The following CEP112 variants were observed in gnomAD, a reference collection of about 807,000 sequenced individuals.
The protein encoded by CEP112 is centrosomal protein 112.
In CEP112, 127 loss-of-function variants were observed where a neutral mutation model predicts 153.0. That is an observed-to-expected ratio of 0.83 (90% CI 0.72 to 0.96). CEP112 has a LOEUF of 0.96. Among genes scored for constraint, CEP112 ranks in the 40% least tolerant of loss-of-function variants. The probability of loss-of-function intolerance (pLI) is 0.00; values close to 1 mark genes in which losing one functional copy is unlikely to be tolerated. For synonymous variants in CEP112, 358 were observed against 374.4 expected (o/e 0.96, Z 0.51); for missense variants, 1,089 against 1,101.2 (o/e 0.99, Z 0.16).
At chr17:65,854,877 T>C (rs572139043) in intron 20 of CEP112, among the ~76,000 whole-genome samples, 1 of 152,284 alleles carries the variant, frequency 6.6e-6, no homozygotes, top group African/African-American at 2.4e-5. Context: ...AATCAGATTC[T>C]GAAATAGAGG....
At chr17:65,754,188 C>T (rs1317531775) in intron 21 of CEP112, among the ~76,000 whole-genome samples, 5 of 152,142 alleles carry the variant, frequency 3.3e-5, no homozygotes, top group African/African-American at 1.2e-4. Context: ...AGATGGCCTC[C>T]CTGAGAGGGT....
intron 24 of CEP112, among the ~76,000 whole-genome samples, chr17:65,667,468 A>G (rs141753596): frequency 6.3e-4 from 96 of 152,192 alleles, no homozygotes; most frequent in South Asian, 2.1e-4. Flanking sequence ...GTCCCACTAT[A>G]ATGTGCTAGA....
intron 12 of CEP112, among the ~76,000 whole-genome samples, chr17:66,035,008 ATT>A (rs1218978308): frequency 0.089 from 6,387 of 72,118 alleles, 728 homozygotes; most frequent in African/African-American, 0.24. Context: ...ATATATATAT[ATT>A]TTTTTTTTTA....
At chr17:65,871,459 C>A (rs1399877561) in intron 20 of CEP112, among the ~76,000 whole-genome samples, 1 of 152,080 alleles carries the variant, frequency 6.6e-6, no homozygotes, top group Admixed American at 6.5e-5. Flanking sequence ...CATGGTGAAA[C>A]CCCATCTCTA....
chr17:66,039,988 C>G (rs1009199247), intron 12 of CEP112, among the ~76,000 whole-genome samples: 2 of 152,108 alleles, frequency 1.3e-5, no homozygotes, highest in African/African-American at 4.8e-5. Flanking sequence ...CAGTTTTTGA[C>G]TATTAAAAAT....
chr17:66,103,881 G>A (rs966569041), intron 6 of CEP112, among the ~76,000 whole-genome samples: 7 of 152,182 alleles, frequency 4.6e-5, no homozygotes, highest in Non-Finnish European at 1.0e-4. Context: ...CCCTGTCACA[G>A]CAGAAAGAAA....
At chr17:65,954,494 GATCCAAGCCAAGA>G (rs1267412932) in intron 18 of CEP112, among the ~76,000 whole-genome samples, 1 of 152,060 alleles carries the variant, frequency 6.6e-6, no homozygotes, top group African/African-American at 2.4e-5. Context: ...ACCAGCAATG[GATCCAAGCCAAGA>G]TGAAATCTCT....
chr17:65,733,497 G>A (rs1040254346), intron 23 of CEP112, among the ~76,000 whole-genome samples: 2 of 152,160 alleles, frequency 1.3e-5, no homozygotes, highest in African/African-American at 4.8e-5. Context: ...CAATGTCTAT[G>A]AGGTGCAATA....
At chr17:65,768,328 T>C (rs1373724040) in intron 21 of CEP112, among the ~76,000 whole-genome samples, 3 of 151,986 alleles carry the variant, frequency 2.0e-5, no homozygotes, top group African/African-American at 7.2e-5. Flanking sequence ...TGATGTTGAG[T>C]AGGCTGAGAA....
At chr17:65,811,039 G>A (rs774145202) in intron 21 of CEP112, among the ~76,000 whole-genome samples, 12 of 152,320 alleles carry the variant, frequency 7.9e-5, no homozygotes, top group African/African-American at 2.4e-4. Context: ...AAGAATAGAC[G>A]GAGATGAAAT....
chr17:65,859,680 C>T (rs8074825), intron 20 of CEP112, among the ~76,000 whole-genome samples: 130,352 of 150,128 alleles, frequency 0.87, 56,789 homozygotes, highest in East Asian at 0.94. Flanking sequence ...CTACTATCAT[C>T]ACTTGTATTC....
At chr17:65,966,467 C>T (rs1483265958) in intron 17 of CEP112, among the ~76,000 whole-genome samples, 1 of 152,304 alleles carries the variant, frequency 6.6e-6, no homozygotes, top group East Asian at 1.9e-4. Context: ...CTTCACATTA[C>T]AGTATACTTC....
At chr17:66,013,191 T>A (rs573280442) in intron 16 of CEP112, among the ~76,000 whole-genome samples, 50 of 152,328 alleles carry the variant, frequency 3.3e-4, no homozygotes, top group African/African-American at 1.1e-3. Context: ...ATCATCTTCG[T>A]TCCTATTCAT....
chr17:65,870,548 A>G (rs1209763351), intron 20 of CEP112, among the ~76,000 whole-genome samples: 1 of 152,230 alleles, frequency 6.6e-6, no homozygotes, highest in African/African-American at 2.4e-5. Context: ...GAATTATAAA[A>G]GTAGAAACAT....
intron 12 of CEP112, among the ~76,000 whole-genome samples, chr17:66,053,256 C>T (rs1387092755): frequency 6.7e-6 from 1 of 149,520 alleles, no homozygotes; most frequent in African/African-American, 2.6e-5. Context: ...AATCCCAGCA[C>T]TTTGGGAGGC....
At chr17:65,857,913 A>G (rs1253574618) in intron 20 of CEP112, among the ~76,000 whole-genome samples, 1 of 152,086 alleles carries the variant, frequency 6.6e-6, no homozygotes, top group Non-Finnish European at 1.5e-5. Context: ...TACTATTTCA[A>G]TTTTTCTGAT....
intron 21 of CEP112, among the ~76,000 whole-genome samples, chr17:65,789,643 A>G (rs1322713013): frequency 6.6e-6 from 1 of 151,514 alleles, no homozygotes; most frequent in Non-Finnish European, 1.5e-5. Flanking sequence ...TTTCATGAAT[A>G]TCATTCATTT....
At chr17:65,704,456 A>ACACAC (rs1237801161) in intron 23 of CEP112, among the ~76,000 whole-genome samples, 2 of 129,336 alleles carry the variant, frequency 1.5e-5, no homozygotes, top group Admixed American at 1.5e-4. Flanking sequence ...CACACACACA[A>ACACAC]ACATTTCTTT....
At chr17:66,168,476 T>C (rs62063584) in intron 4 of CEP112, among the ~76,000 whole-genome samples, 425 of 151,672 alleles carry the variant, frequency 2.8e-3, no homozygotes, top group Non-Finnish European at 4.7e-3. Context: ...TGTGTATATA[T>C]GTATATATGT....
Sources: allele counts gnomAD v4.1 joint callset (sites outside exome capture counted in the v4.1 genomes callset), GRCh38; gene constraint gnomAD v4.1.1; transcripts MANE v1.5; gene names NCBI Gene and HGNC (gene_info 2026-07-23, HGNC 2026-07-21).